The following HTR3B variants were observed in gnomAD, a reference collection of about 807,000 sequenced individuals.
The protein encoded by HTR3B is 5-hydroxytryptamine (serotonin) receptor 3B, ionotropic.
HTR3B carries 44 observed loss-of-function variants against 42.8 expected under a neutral mutation model. The ratio of observed to expected loss-of-function variants is 1.03; its 90% CI spans 0.81 to 1.32. The LOEUF (loss-of-function observed/expected upper bound fraction) is 1.32. Among genes scored for constraint, HTR3B ranks in the 40% most tolerant of loss-of-function variants. The pLI is 0.00. For synonymous variants in HTR3B, 203 were observed against 209.0 expected (o/e 0.97, Z 0.25); for missense variants, 527 against 536.5 (o/e 0.98, Z 0.17).
At chr11:113,909,616 G>T (rs1160447206) in intron 2 of HTR3B, among the ~76,000 whole-genome samples, 161 bp downstream of exon 2, 2 of 152,158 alleles carry the variant, frequency 1.3e-5, no homozygotes, top group Admixed American at 6.6e-5. Context: ...TATTCATTAG[G>T]CAAATCATGC....
upstream of HTR3B, among the ~76,000 whole-genome samples, chr11:113,901,560 A>C (rs558630240): frequency 1.1e-4 from 16 of 152,368 alleles, no homozygotes; most frequent in African/African-American, 3.6e-4. Context: ...TGTCAAGGAA[A>C]GATCAGGAAG....
chr11:113,905,355 A>G (rs1388976010), intron 1 of HTR3B, among the ~76,000 whole-genome samples: 2 of 152,136 alleles, frequency 1.3e-5, no homozygotes, highest in South Asian at 2.1e-4. Context: ...ATATGTTTTT[A>G]TTATCCAAAA....
intron 2 of HTR3B, among the ~76,000 whole-genome samples, chr11:113,914,027 G>A (rs1039892748): frequency 4.0e-5 from 6 of 151,194 alleles, no homozygotes; most frequent in Non-Finnish European, 8.8e-5. Context: ...CCAGACCCCA[G>A]AGCTGTGAAA....
chr11:113,932,259 T>G (rs747567541), intron 4 of HTR3B, 30 bp from the exon 5 acceptor site: 2 of 1,581,588 alleles, frequency 1.3e-6, no homozygotes, highest in South Asian at 2.3e-5. Flanking sequence ...ATCCTCTCTG[T>G]GACAACAAGT....
chr11:113,911,311 A>G (rs561313013), intron 2 of HTR3B, among the ~76,000 whole-genome samples: 66 of 149,806 alleles, frequency 4.4e-4, no homozygotes, highest in African/African-American at 1.6e-3. Flanking sequence ...GCTCACTGCA[A>G]CCTCTGCCTC....
intron 2 of HTR3B, among the ~76,000 whole-genome samples, chr11:113,930,040 C>T (rs1323434584): frequency 6.6e-6 from 1 of 152,112 alleles, no homozygotes; most frequent in Non-Finnish European, 1.5e-5. Flanking sequence ...CCGGCCTCGC[C>T]CATTTTAAAA....
intron 2 of HTR3B, among the ~76,000 whole-genome samples, chr11:113,929,164 C>T (rs1306922413): frequency 2.0e-5 from 3 of 152,300 alleles, no homozygotes; most frequent in East Asian, 1.9e-4. Context: ...TCTCCCCATC[C>T]TCACCAACAC....
chr11:113,944,652 T>C lies in HTR3B; in HGVS notation c.987T>C (p.Asp329=), dbSNP rs2137541045. ...TCGTGTTGGTCAAATTCCTCCATGA[T>C]GAGCAGCGTGGTGGACAGGAGCAGC... is the stretch of plus-strand genomic sequence containing the variant. ...KSIVLVKFLH[D]EQRGGQEQPF... Residue 329 remains aspartate, a synonymous_variant, in exon 8 of 9, where the codon GAT becomes GAC. Coordinates refer to ENST00000260191, the MANE Select transcript of HTR3B (RefSeq NM_006028.5). 6.2e-7 allele frequency: 1 copy of C among 1,613,956 alleles called. No homozygotes were observed. Among genetic ancestry groups the C allele is most frequent in the African/African-American group, 1.3e-5 (1 of 75,046 alleles).
rs2137543008 is a variant in HTR3B at position 113,946,008 on chromosome 11, C to G, written c.1197C>G (p.Asp399Glu). Residue 399 changes from aspartate to glutamate, a missense_variant, in exon 9 of 9, where the codon GAC becomes GAG. Physicochemically the swap from Asp to Glu is conservative, Grantham distance 45. Transcript: ENST00000260191. ...ACCTCCAAACTCAGGACCAGACAGA[C>G]CAACAGGAGGCAGAGTGGCTGGTCC... ...SNYLQTQDQT[D>E]QQEAEWLVLL... 6.2e-7 allele frequency: 1 copy of G among 1,614,050 alleles called. No homozygotes were observed. The highest frequency in any genetic ancestry group is 8.5e-7 in the Non-Finnish European group (1 of 1,179,986).
At position 113,931,874 on chromosome 11, in the gene HTR3B, G is replaced by T; in HGVS notation, c.368+7G>T. Reference sequence around the variant, plus strand: ...ATATCATCATCAATGAGTTGTAAGTGTGCCAGTGTGTATTTCTGTGGGGTT... The same window carrying T: ...ATATCATCATCAATGAGTTGTAAGTTTGCCAGTGTGTATTTCTGTGGGGTT... On this transcript the variant is annotated splice_region_variant and intron_variant, in intron 4 of 8. Transcript: ENST00000260191. 6.7e-7 allele frequency: 1 copy of T among 1,485,150 alleles called. No individual in the cohort carries two copies. The highest frequency in any genetic ancestry group is 9.4e-7 in the Non-Finnish European group (1 of 1,062,056). 92.0% of individuals were successfully genotyped at this position (1,485,150 alleles called of 1,614,324 possible).
intron 5 of HTR3B, 78 bp from the exon 6 acceptor site, chr11:113,932,858 G>T (rs1456389144): frequency 2.7e-6 from 4 of 1,468,224 alleles, no homozygotes; most frequent in Admixed American, 3.6e-5. Flanking sequence ...GGAAGGATTC[G>T]AATTGGGAGC....
intron 6 of HTR3B, among the ~76,000 whole-genome samples, chr11:113,934,456 G>GGAAAGAAAGAAAGAAAAAA (rs1279040034): frequency 6.6e-5 from 10 of 150,686 alleles, no homozygotes; most frequent in East Asian, 2.0e-4. Flanking sequence ...AAAGAAAGAA[G>GGAAAGAAAGAAAGAAAAAA]GAAAGAAAGA....
chr11:113,943,936 T>A (rs1253452953), intron 7 of HTR3B, among the ~76,000 whole-genome samples: 1 of 151,602 alleles, frequency 6.6e-6, no homozygotes, highest in Admixed American at 6.6e-5. Context: ...CTCACACCTA[T>A]AATCACAACA....
intron 2 of HTR3B, among the ~76,000 whole-genome samples, chr11:113,915,103 GT>G (rs1246842357): frequency 6.6e-6 from 1 of 151,762 alleles, no homozygotes; most frequent in East Asian, 1.9e-4. Flanking sequence ...GGTAATTTGT[GT>G]TTTCTCATAT....
chr11:113,903,898 T>C (rs1949714163), upstream of HTR3B, among the ~76,000 whole-genome samples: 1 of 152,200 alleles, frequency 6.6e-6, no homozygotes, highest in African/African-American at 2.4e-5. Flanking sequence ...TATTGGTAGA[T>C]GAAAATTAGG....
intron 5 of HTR3B, among the ~76,000 whole-genome samples, chr11:113,932,723 A>T (rs1179437311): frequency 6.6e-6 from 1 of 152,120 alleles, no homozygotes; most frequent in Admixed American, 6.5e-5. Context: ...TTCTACAGAG[A>T]GTGTATTCCA....
intron 2 of HTR3B, among the ~76,000 whole-genome samples, chr11:113,920,422 A>G (rs1949901601): frequency 6.9e-6 from 1 of 145,738 alleles, no homozygotes. Flanking sequence ...GTCACCCAGG[A>G]TGTAGTGCAG....
At chr11:113,912,541 C>T (rs1051489997) in intron 2 of HTR3B, among the ~76,000 whole-genome samples, 3 of 152,228 alleles carry the variant, frequency 2.0e-5, no homozygotes, top group Non-Finnish European at 2.9e-5. Flanking sequence ...CCGTGCCCGG[C>T]GTTTCCATTT....
Position 113,923,755 on chromosome 11 carries a change from C to T in HTR3B, c.214-7629C>T, listed in dbSNP as rs77700897. Among the ~76,000 whole-genome samples the T allele has an allele frequency of 2.9e-3, 436 of 152,168 alleles. 17 individuals carry two copies. The East Asian group carries it at 0.075, about 26-fold the overall frequency. ...CAGAGGGAAAAGCTGTGAATAATGCCACCAGAGAACCAATTATGTTCACCA... is the reference window on the plus strand; with the variant it reads ...CAGAGGGAAAAGCTGTGAATAATGCTACCAGAGAACCAATTATGTTCACCA... On this transcript the variant is annotated intron_variant, in intron 2 of 8. Coordinates refer to ENST00000260191, the MANE Select transcript of HTR3B (RefSeq NM_006028.5).
Sources: gnomAD v4.1 joint callset for allele counts (sites outside exome capture counted in the v4.1 genomes callset) on GRCh38, gnomAD v4.1.1 for gene constraint, MANE v1.5 for transcripts, NCBI Gene and HGNC (gene_info 2026-07-23, HGNC 2026-07-21) for gene names.